Variants in EYS observed in about 807,000 individuals in gnomAD.
The protein encoded by EYS is protein eyes shut homolog.
A neutral mutation model predicts 282.1 loss-of-function variants in EYS; 250 were observed. The observed-to-expected ratio is 0.89, with a 90% CI of 0.80 to 0.98. The LOEUF is 0.98. Among genes scored for constraint, EYS ranks in the 50% least tolerant of loss-of-function variants. EYS has a pLI of 0.00. For missense variants in EYS, 4,016 were observed against 3,709.0 expected, an observed-to-expected ratio of 1.08 and a Z score of -2.15; for synonymous variants, 1,355 against 1,282.9, an observed-to-expected ratio of 1.06 and a Z score of -1.20.
At chr6:64,336,211 CCAAA>C (rs1770846066) in intron 29 of EYS, among the ~76,000 whole-genome samples, 1 of 152,094 alleles carries the variant, frequency 6.6e-6, no homozygotes, top group Admixed American at 6.6e-5. Flanking sequence ...ATAGAACTCA[CCAAA>C]CAACTACCTG....
chr6:63,988,208 T>G (rs770928212), intron 34 of EYS, among the ~76,000 whole-genome samples: 9 of 151,652 alleles, frequency 5.9e-5, no homozygotes, highest in Admixed American at 4.0e-4. Flanking sequence ...GTTACAAGAC[T>G]CTGCATCCAA....
chr6:63,957,081 C>A (rs1315957839), intron 35 of EYS, among the ~76,000 whole-genome samples: 1 of 152,172 alleles, frequency 6.6e-6, no homozygotes, highest in Admixed American at 6.6e-5. Context: ...TAACACTGAA[C>A]TCATAGCCAA....
intron 36 of EYS, among the ~76,000 whole-genome samples, chr6:63,833,548 C>A (rs1025570802): frequency 6.6e-6 from 1 of 151,994 alleles, no homozygotes; most frequent in Admixed American, 6.6e-5. Context: ...CACTGCTCAA[C>A]AAAACAAAAG....
chr6:64,999,211 C>T lies in EYS; in HGVS notation c.2138-1508G>A, dbSNP rs532798862. ...ACTAAATTGGATACCAAAGGGAAAT[C>T]GGATACTGCAAAGAAGATAGAAAAA... is the stretch of plus-strand genomic sequence containing the variant. On this transcript the variant is annotated intron_variant, in intron 13 of 42. Transcript: ENST00000503581. 3.3e-5 allele frequency among the ~76,000 whole-genome samples: 5 copies of T among 152,122 alleles called. No individual in the cohort carries two copies. In the South Asian group the frequency reaches 1.0e-3, roughly 32 times the overall value.
intron 12 of EYS, among the ~76,000 whole-genome samples, chr6:65,220,503 T>G (rs951904406): frequency 6.6e-6 from 1 of 152,178 alleles, no homozygotes; most frequent in Non-Finnish European, 1.5e-5. Context: ...GTCCCTTTGC[T>G]CTTCCTTCGT....
chr6:64,145,337 G>A (rs569212850), intron 31 of EYS, among the ~76,000 whole-genome samples: 3 of 152,226 alleles, frequency 2.0e-5, no homozygotes, highest in Non-Finnish European at 1.5e-5. Context: ...GGAAAGAAAT[G>A]ACTTTTTTAA....
intron 30 of EYS, among the ~76,000 whole-genome samples, chr6:64,296,293 T>C (rs1414851813): frequency 6.6e-6 from 1 of 152,156 alleles, no homozygotes; most frequent in African/African-American, 2.4e-5. Context: ...GAAGCACATA[T>C]GAGAATCCAG....
chr6:65,266,919 C>T (rs1767769840), intron 12 of EYS, among the ~76,000 whole-genome samples: 1 of 142,572 alleles, frequency 7.0e-6, no homozygotes, highest in Non-Finnish European at 1.5e-5. Flanking sequence ...CATCTTGAGA[C>T]ATATATATAC....
intron 22 of EYS, among the ~76,000 whole-genome samples, chr6:64,687,211 A>C (rs1770186407): frequency 6.6e-6 from 1 of 152,044 alleles, no homozygotes; most frequent in South Asian, 2.1e-4. Context: ...TAACTCTGAT[A>C]CTGAAATCTG....
chr6:64,416,324 C>T (rs1289574866), intron 28 of EYS, among the ~76,000 whole-genome samples: 1 of 152,122 alleles, frequency 6.6e-6, no homozygotes, highest in Non-Finnish European at 1.5e-5. Context: ...AATTCTGATG[C>T]TTAAAGTAAT....
At chr6:64,058,271 A>T (rs1771052080) in intron 33 of EYS, among the ~76,000 whole-genome samples, 1 of 114,754 alleles carries the variant, frequency 8.7e-6, no homozygotes, top group African/African-American at 4.7e-5. Flanking sequence ...TAAACCTCTT[A>T]AAAAAAAAAA....
intron 23 of EYS, among the ~76,000 whole-genome samples, chr6:64,621,908 C>G (rs1767457031): frequency 1.3e-5 from 2 of 152,138 alleles, no homozygotes; most frequent in African/African-American, 4.8e-5. Flanking sequence ...CATGGGATAG[C>G]TCTGATCACT....
At chr6:65,612,327 T>A (rs534538151) in intron 2 of EYS, among the ~76,000 whole-genome samples, 6 of 151,656 alleles carry the variant, frequency 4.0e-5, no homozygotes, top group African/African-American at 1.4e-4. Flanking sequence ...ATATGATGAA[T>A]TGAACTTCCT....
chr6:65,005,266 C>T (rs1213873489), intron 13 of EYS, among the ~76,000 whole-genome samples: 1 of 147,928 alleles, frequency 6.8e-6, no homozygotes, highest in African/African-American at 2.4e-5. Context: ...CGGCTAAGTG[C>T]CTGCGTTCAT....
chr6:63,738,532 A>G (rs1768986436), intron 41 of EYS, among the ~76,000 whole-genome samples: 2 of 146,296 alleles, frequency 1.4e-5, no homozygotes, highest in African/African-American at 5.1e-5. Flanking sequence ...GTGGGGATTG[A>G]ACAATGAGAA....
rs866518255 is a variant in EYS, at chr6:63,720,732, G to C, written c.9299C>G (p.Thr3100Ser). Reference protein sequence around the residue: ...FEYGRKVNIVTQEIFKTNFVG... With the variant: ...FEYGRKVNIVSQEIFKTNFVG... ...AAAATTGGTTTTAAAAATCTCTTGAGTAACGATATTTACCTTTCTACCATA... is the reference window on the plus strand; with the variant it reads ...AAAATTGGTTTTAAAAATCTCTTGACTAACGATATTTACCTTTCTACCATA... The change falls in exon 43 of 43, where the codon ACT becomes AGT. Residue 3100 changes from threonine (T) to serine (S), a missense_variant. Transcript: ENST00000503581. The C allele has an allele frequency of 6.5e-7, 1 of 1,548,994 alleles. No individual in the cohort carries two copies. The highest frequency in any genetic ancestry group is 1.7e-4 in the Middle Eastern group (1 of 5,982).
intron 14 of EYS, among the ~76,000 whole-genome samples, chr6:64,960,026 T>C (rs1474248408): frequency 6.6e-6 from 1 of 152,108 alleles, no homozygotes; most frequent in African/African-American, 2.4e-5. Context: ...ATGTTTTACT[T>C]ACCAAGCACA....
intron 2 of EYS, among the ~76,000 whole-genome samples, chr6:65,594,019 C>T (rs966870502): frequency 1.3e-5 from 2 of 151,814 alleles, no homozygotes; most frequent in African/African-American, 4.8e-5. Flanking sequence ...CATGATACAA[C>T]CCCAGAGCAG....
chr6:64,325,575 T>C (rs1770385202), intron 29 of EYS, among the ~76,000 whole-genome samples: 2 of 152,124 alleles, frequency 1.3e-5, no homozygotes, highest in African/African-American at 4.8e-5. Flanking sequence ...AAATCTCTGA[T>C]TTACCTGAAA....
Sources: allele counts gnomAD v4.1 joint callset (sites outside exome capture counted in the v4.1 genomes callset), GRCh38; gene constraint gnomAD v4.1.1; transcripts MANE v1.5; gene names NCBI Gene and HGNC (gene_info 2026-07-23, HGNC 2026-07-21).